Variants in ACTR3C observed in about 807,000 individuals in gnomAD.
ACTR3C encodes the protein actin related protein 3C.
Under a neutral mutation model 26.3 loss-of-function variants are expected in ACTR3C, and 18 were observed. The ratio of observed to expected loss-of-function variants is 0.68; its 90% CI spans 0.47 to 1.01. The LOEUF is 1.01. ACTR3C is among the 50% of genes least tolerant of loss of function. ACTR3C has a pLI of 0.00. For synonymous variants in ACTR3C, 55 were observed against 94.5 expected (o/e 0.58, Z 2.42); for missense variants, 184 against 250.7 (o/e 0.73, Z 1.80).
intron 1 of ACTR3C, among the ~76,000 whole-genome samples, chr7:150,307,518 C>A (rs980510575): frequency 1.3e-5 from 2 of 152,230 alleles, no homozygotes; most frequent in African/African-American, 4.8e-5. Flanking sequence ...CCCTCCTCTG[C>A]TAACAATAAA....
At chr7:150,126,583 A>T in the ACTR3C span, among the ~76,000 whole-genome samples, 2 of 152,226 alleles carry the variant, frequency 1.3e-5, no homozygotes, top group Admixed American at 6.5e-5. Context: ...GAAAGTTACT[A>T]CAAAAGGTGC....
the ACTR3C span, among the ~76,000 whole-genome samples, chr7:149,976,469 G>T: frequency 1.3e-4 from 19 of 151,918 alleles, no homozygotes; most frequent in Non-Finnish European, 2.9e-5. Flanking sequence ...AGCTACTCAG[G>T]AGGCTGAGGC....
chr7:150,008,563 T>C, the ACTR3C span, among the ~76,000 whole-genome samples: 2 of 152,080 alleles, frequency 1.3e-5, no homozygotes, highest in Non-Finnish European at 2.9e-5. Context: ...CGAGTTTCTC[T>C]TAAAAATGTG....
chr7:150,308,416 G>A (rs748930408), intron 1 of ACTR3C, among the ~76,000 whole-genome samples: 2 of 152,078 alleles, frequency 1.3e-5, no homozygotes, highest in Non-Finnish European at 2.9e-5. Context: ...CGGCACTTTC[G>A]ATTTCTCCAT....
chr7:150,251,691 T>C (rs1406231224), intron 6 of ACTR3C, among the ~76,000 whole-genome samples: 2 of 152,076 alleles, frequency 1.3e-5, no homozygotes, highest in Non-Finnish European at 2.9e-5. Context: ...TAGGATTGTA[T>C]TAATTCCAAA....
chr7:149,918,907 A>G, the ACTR3C span, among the ~76,000 whole-genome samples: 1 of 152,136 alleles, frequency 6.6e-6, no homozygotes, highest in Non-Finnish European at 1.5e-5. Context: ...GTGCCCATGT[A>G]CCTGTGGGAC....
the ACTR3C span, among the ~76,000 whole-genome samples, chr7:150,177,167 T>C: frequency 2.0e-5 from 3 of 150,812 alleles, no homozygotes; most frequent in Admixed American, 2.0e-4. Context: ...GTTACTGAAA[T>C]TTATAAAAGT....
chr7:150,207,346 A>G, the ACTR3C span, among the ~76,000 whole-genome samples: 9,087 of 152,174 alleles, frequency 0.06, 873 homozygotes, highest in African/African-American at 0.21. Context: ...GTGCACACAC[A>G]GACTCACTAA....
At chr7:150,010,334 C>T in the ACTR3C span, among the ~76,000 whole-genome samples, 2 of 152,140 alleles carry the variant, frequency 1.3e-5, no homozygotes, top group Admixed American at 1.3e-4. Context: ...CTCCCTGAAC[C>T]ACATCATTTC....
the ACTR3C span, among the ~76,000 whole-genome samples, chr7:150,022,644 C>T: frequency 6.6e-6 from 1 of 152,000 alleles, no homozygotes; most frequent in Non-Finnish European, 1.5e-5. Flanking sequence ...AGCAATTTAA[C>T]CTTTCTTTTT....
At chr7:150,152,352 G>A in the ACTR3C span, among the ~76,000 whole-genome samples, 9 of 151,976 alleles carry the variant, frequency 5.9e-5, no homozygotes, top group South Asian at 2.1e-4. Context: ...AGCATGAAGC[G>A]TTGTTGAATT....
the ACTR3C span, among the ~76,000 whole-genome samples, chr7:150,194,760 A>G: frequency 6.6e-6 from 1 of 152,054 alleles, no homozygotes; most frequent in Non-Finnish European, 1.5e-5. Flanking sequence ...TAAGGTTTAC[A>G]ATATGCATTA....
the ACTR3C span, among the ~76,000 whole-genome samples, chr7:150,088,210 TTTG>T: frequency 6.6e-6 from 1 of 152,240 alleles, no homozygotes; most frequent in Admixed American, 6.5e-5. Context: ...TTGTTTTCCC[TTTG>T]TTGTTTGTGC....
At chr7:149,971,662 C>T in the ACTR3C span, among the ~76,000 whole-genome samples, 1 of 152,204 alleles carries the variant, frequency 6.6e-6, no homozygotes, top group African/African-American at 2.4e-5. Flanking sequence ...TCTTAGTTTG[C>T]ATCCTGCTGT....
chr7:150,315,617 A>G (rs911007710), intron 1 of ACTR3C, among the ~76,000 whole-genome samples: 5 of 152,196 alleles, frequency 3.3e-5, no homozygotes, highest in African/African-American at 1.2e-4. Flanking sequence ...ATAAAATTCA[A>G]AAGGTAAAAC....
At chr7:150,146,812 C>T in the ACTR3C span, among the ~76,000 whole-genome samples, 4 of 152,124 alleles carry the variant, frequency 2.6e-5, no homozygotes, top group Non-Finnish European at 5.9e-5. Context: ...AGGCCATCTG[C>T]TAAATAACTG....
chr7:150,307,607 T>G (rs1394990793), intron 1 of ACTR3C, among the ~76,000 whole-genome samples: 1 of 152,160 alleles, frequency 6.6e-6, no homozygotes, highest in Non-Finnish European at 1.5e-5. Context: ...CTTCGACGCC[T>G]TTTTCAGACT....
the ACTR3C span, among the ~76,000 whole-genome samples, chr7:149,896,404 A>G: frequency 6.6e-6 from 1 of 152,258 alleles, no homozygotes; most frequent in East Asian, 1.9e-4. Context: ...ACTACCTATC[A>G]GGGTGGTGAG....
At chr7:150,244,080 A>G (rs1168739159), downstream of ACTR3C, 2 of 150,564 alleles carry the variant, frequency 1.3e-5, no homozygotes, top group East Asian at 1.9e-4. Context: ...TAGTCTTAGA[A>G]TATTGAATAT....
Sources: gnomAD v4.1 joint callset for allele counts (sites outside exome capture counted in the v4.1 genomes callset) on GRCh38, gnomAD v4.1.1 for gene constraint, MANE v1.5 for transcripts, NCBI Gene and HGNC (gene_info 2026-07-23, HGNC 2026-07-21) for gene names.